The following CHLSN variants were observed in gnomAD, a reference collection of about 807,000 sequenced individuals.
CHLSN encodes protein cholesin.
At chr7:983,125 T>C in the CHLSN span, 3 of 1,138,454 alleles carry the variant, frequency 2.6e-6, no homozygotes, top group Admixed American at 3.8e-5. Context: ...GTGGGTGGGG[T>C]GCGGGCACGC....
At chr7:1,052,202 C>T in the CHLSN span, among the ~76,000 whole-genome samples, 5 of 152,264 alleles carry the variant, frequency 3.3e-5, no homozygotes, top group African/African-American at 7.2e-5. This position sits in a 1 kb window ranked among gnomAD's most constrained non-coding sequence, Gnocchi z 4.2. Context: ...GAGGCCTGCT[C>T]CAGGCTGAGT....
the CHLSN span, among the ~76,000 whole-genome samples, chr7:1,002,340 T>C: frequency 3.4e-5 from 4 of 116,824 alleles, no homozygotes; most frequent in Admixed American, 8.8e-5. Flanking sequence ...TGTGGAGCCC[T>C]GTGGGTGGGG....
the CHLSN span, among the ~76,000 whole-genome samples, chr7:1,112,789 G>A: frequency 2.9e-4 from 44 of 151,922 alleles, no homozygotes; most frequent in East Asian, 7.0e-3. Context: ...CTTGCAGTGC[G>A]AACGCAAAAC....
the CHLSN span, among the ~76,000 whole-genome samples, chr7:1,012,341 G>C: frequency 1.3e-5 from 2 of 152,226 alleles, no homozygotes; most frequent in African/African-American, 4.8e-5. Flanking sequence ...AAGGCTGTGG[G>C]CAACAGCAAC....
At chr7:1,120,959 G>A in the CHLSN span, among the ~76,000 whole-genome samples, 306 of 152,286 alleles carry the variant, frequency 2.0e-3, 1 homozygote, top group African/African-American at 7.1e-3. Flanking sequence ...GGGGCAGCGC[G>A]GCTGGCAGAC....
At chr7:1,059,009 CG>C in the CHLSN span, 5 of 182,654 alleles carry the variant, frequency 2.7e-5, 1 homozygote, top group Admixed American at 2.7e-4. Context: ...CAAGGCCTGC[CG>C]GGTGTGCCGC....
At chr7:983,196 C>T in the CHLSN span, 4 of 1,475,698 alleles carry the variant, frequency 2.7e-6, no homozygotes, top group African/African-American at 4.3e-5. Flanking sequence ...AGTGGAGCCT[C>T]ACCAGCCACG....
the CHLSN span, among the ~76,000 whole-genome samples, chr7:981,074 T>C: frequency 9.9e-5 from 15 of 151,050 alleles, 1 homozygote; most frequent in African/African-American, 2.7e-4. Context: ...GGCAGGTGGA[T>C]CACTTGAGGT....
the CHLSN span, among the ~76,000 whole-genome samples, chr7:1,002,354 CCTGTGGGTGAATGGAGT>C: frequency 3.5e-5 from 3 of 85,258 alleles, no homozygotes; most frequent in Admixed American, 1.4e-4. Flanking sequence ...GGTGGGGAGT[CCTGTGGGTGAATGGAGT>C]CCTGTGGGTG....
chr7:1,121,076 T>G, the CHLSN span, among the ~76,000 whole-genome samples: 1 of 152,116 alleles, frequency 6.6e-6, no homozygotes, highest in Non-Finnish European at 1.5e-5. Context: ...CGGGGCAGCG[T>G]GGCCGGCAGG....
the CHLSN span, among the ~76,000 whole-genome samples, chr7:1,016,312 C>T: frequency 1.7e-5 from 1 of 57,532 alleles, no homozygotes; most frequent in South Asian, 5.5e-4. Flanking sequence ...CATAGCAGCA[C>T]AGCAGCACAC....
chr7:1,013,906 G>A, the CHLSN span, among the ~76,000 whole-genome samples: 1 of 152,230 alleles, frequency 6.6e-6, no homozygotes, highest in African/African-American at 2.4e-5. Flanking sequence ...GATGTCTTGA[G>A]GATTACATTT....
the CHLSN span, among the ~76,000 whole-genome samples, chr7:990,531 C>T: frequency 6.6e-6 from 1 of 151,972 alleles, no homozygotes; most frequent in Non-Finnish European, 1.5e-5. Flanking sequence ...AAGCGGCGCC[C>T]CAAGGCCAGG....
the CHLSN span, chr7:983,217 C>T: frequency 4.0e-6 from 6 of 1,511,858 alleles, no homozygotes; most frequent in African/African-American, 5.6e-5. Flanking sequence ...TCCTCATGGC[C>T]CTGCTGCTCT....
chr7:984,541 A>G, the CHLSN span: 1 of 1,557,956 alleles, frequency 6.4e-7, no homozygotes, highest in Non-Finnish European at 8.7e-7. Flanking sequence ...CCGGCCTCCC[A>G]TCGCCATCTT....
At chr7:1,020,553 G>A in the CHLSN span, among the ~76,000 whole-genome samples, 3,047 of 152,328 alleles carry the variant, frequency 0.02, 92 homozygotes, top group African/African-American at 0.069. Context: ...GCGGGTTGGG[G>A]AACAGGCCAA....
the CHLSN span, chr7:997,737 AGCTCTCGG>A: frequency 6.2e-7 from 1 of 1,611,190 alleles, no homozygotes; most frequent in East Asian, 2.2e-5. Flanking sequence ...CTGCACCGTC[AGCTCTCGG>A]GCCCGGCCCT....
chr7:1,022,367 G>A, the CHLSN span, among the ~76,000 whole-genome samples: 5 of 152,196 alleles, frequency 3.3e-5, no homozygotes, highest in African/African-American at 9.7e-5. Context: ...TGGGGCACCC[G>A]TACGGATTCT....
At chr7:1,074,947 T>C in the CHLSN span, among the ~76,000 whole-genome samples, 1 of 152,170 alleles carries the variant, frequency 6.6e-6, no homozygotes, top group Non-Finnish European at 1.5e-5. Flanking sequence ...CCCTCCAGCC[T>C]GGTGGCTGCC....
Sources: allele counts gnomAD v4.1 joint callset (sites outside exome capture counted in the v4.1 genomes callset), GRCh38; gene constraint gnomAD v4.1.1; non-coding constraint Gnocchi (gnomAD v3.1); transcripts MANE v1.5; gene names NCBI Gene and HGNC (gene_info 2026-07-23, HGNC 2026-07-21).